ZSWIM5: variants seen among roughly 807,000 people sequenced by gnomAD.
ZSWIM5 encodes the protein zinc finger SWIM domain-containing protein 5.
A neutral mutation model predicts 119.6 loss-of-function variants in ZSWIM5; 55 were observed. The observed-to-expected ratio is 0.46, with a 90% CI of 0.37 to 0.58. The LOEUF (loss-of-function observed/expected upper bound fraction) is 0.58, where lower values mean the gene tolerates loss of function less well. ZSWIM5 is among the 20% of genes least tolerant of loss of function. The pLI is 0.00. For missense variants in ZSWIM5, 1,193 were observed against 1,512.8 expected (o/e 0.79, Z 3.51); for synonymous variants, 537 against 606.9 (o/e 0.88, Z 1.69).
chr1:45,071,886 A>C (rs1337516544), intron 2 of ZSWIM5, among the ~76,000 whole-genome samples: 1 of 152,204 alleles, frequency 6.6e-6, no homozygotes, highest in East Asian at 1.9e-4. Context: ...ATGCTGCAAC[A>C]AACAAACATG....
At chr1:45,170,733 G>A (rs1262183846) in intron 1 of ZSWIM5, among the ~76,000 whole-genome samples, 1 of 151,558 alleles carries the variant, frequency 6.6e-6, no homozygotes, top group Non-Finnish European at 1.5e-5. Flanking sequence ...CACCACACAA[G>A]GTTAATTTAA....
chr1:45,199,325 G>A (rs1178677586), intron 1 of ZSWIM5, among the ~76,000 whole-genome samples: 1 of 149,566 alleles, frequency 6.7e-6, no homozygotes, highest in Non-Finnish European at 1.5e-5. Context: ...TTGAGACGGA[G>A]TCTCACTCTG....
chr1:45,022,376 C>T lies in ZSWIM5; in HGVS notation c.2450-1588G>A, dbSNP rs183675389. 5.0e-3 allele frequency among the ~76,000 whole-genome samples: 755 copies of T among 152,116 alleles called. 9 individuals carry two copies. Among genetic ancestry groups the T allele is most frequent in the African/African-American group, 0.017 (726 of 41,514 alleles). ...CGATCTCCTGACCTCATGATCCACCCGCCTTGGTCTCCCAAAGTGCTGGGA... is the reference window on the plus strand; with the variant it reads ...CGATCTCCTGACCTCATGATCCACCTGCCTTGGTCTCCCAAAGTGCTGGGA... On this transcript the variant is annotated intron_variant, in intron 11 of 13. Coordinates refer to ENST00000359600, the MANE Select transcript of ZSWIM5 (RefSeq NM_020883.2).
chr1:45,060,573 T>A (rs980992327), intron 2 of ZSWIM5, among the ~76,000 whole-genome samples: 1 of 151,816 alleles, frequency 6.6e-6, no homozygotes, highest in Non-Finnish European at 1.5e-5. Context: ...CCCAGGAGAG[T>A]GACATTTTGT....
In ZSWIM5 at chr1:45,186,562, T is replaced by C. The variant is rs1428168586; in HGVS notation, c.595+19194A>G. 2.0e-5 allele frequency among the ~76,000 whole-genome samples: 3 copies of C among 151,998 alleles called. No individual in the cohort carries two copies. In the East Asian group the frequency reaches 5.8e-4, roughly 29 times the overall value. Reference sequence around the variant, plus strand: ...AGAGATTCTTTCCAAGAAAAGCCTCTAGATGGAATACAGCTCTGCCAACAA... The same window carrying C: ...AGAGATTCTTTCCAAGAAAAGCCTCCAGATGGAATACAGCTCTGCCAACAA... On this transcript the variant is annotated intron_variant, in intron 1 of 13. Coordinates refer to ENST00000359600, the MANE Select transcript of ZSWIM5 (RefSeq NM_020883.2).
intron 1 of ZSWIM5, among the ~76,000 whole-genome samples, chr1:45,138,520 A>AG (rs1231853925): frequency 2.6e-5 from 4 of 151,892 alleles, no homozygotes; most frequent in African/African-American, 9.7e-5. Flanking sequence ...AAAAAAAAAA[A>AG]AAAAGAAAGG....
intron 5 of ZSWIM5, among the ~76,000 whole-genome samples, chr1:45,044,709 G>A: frequency 1.6e-5 from 1 of 64,122 alleles, no homozygotes; most frequent in Non-Finnish European, 2.9e-5. Flanking sequence ...GGGCGACAGA[G>A]CCAGACTCCG....
At chr1:45,150,749 G>A (rs192197052) in intron 1 of ZSWIM5, among the ~76,000 whole-genome samples, 4 of 152,182 alleles carry the variant, frequency 2.6e-5, no homozygotes, top group Admixed American at 2.6e-4. Context: ...TGAGTTTCTT[G>A]AGAGCAGCGA....
At chr1:45,021,856 C>T (rs914417943) in intron 11 of ZSWIM5, among the ~76,000 whole-genome samples, 4 of 151,686 alleles carry the variant, frequency 2.6e-5, no homozygotes, top group Non-Finnish European at 5.9e-5. Flanking sequence ...CCCGTCTCTA[C>T]TAAAAAAATA....
intron 1 of ZSWIM5, among the ~76,000 whole-genome samples, chr1:45,138,136 G>A (rs1205854170): frequency 6.6e-6 from 1 of 151,576 alleles, no homozygotes; most frequent in East Asian, 1.9e-4. Context: ...GAACAACATG[G>A]GTCAACTTAT....
At chr1:45,192,715 A>AT (rs911734923) in intron 1 of ZSWIM5, among the ~76,000 whole-genome samples, 4 of 152,094 alleles carry the variant, frequency 2.6e-5, no homozygotes, top group Admixed American at 6.5e-5. Context: ...TCTGTGTTTA[A>AT]TTTTTTTAGG....
intron 2 of ZSWIM5, among the ~76,000 whole-genome samples, chr1:45,069,557 G>A (rs570423635): frequency 6.6e-6 from 1 of 151,986 alleles, no homozygotes; most frequent in South Asian, 2.1e-4. Context: ...ACTGGAATTT[G>A]AGGACTCGTT....
chr1:45,130,390 AC>A (rs1645648742), intron 1 of ZSWIM5, among the ~76,000 whole-genome samples: 1 of 151,974 alleles, frequency 6.6e-6, no homozygotes, highest in Non-Finnish European at 1.5e-5. Flanking sequence ...ACACACACAC[AC>A]ACAAAACCCA....
At chr1:45,110,105 A>G (rs977510141) in intron 1 of ZSWIM5, among the ~76,000 whole-genome samples, 8 of 152,042 alleles carry the variant, frequency 5.3e-5, no homozygotes, top group Non-Finnish European at 1.0e-4. Flanking sequence ...GGGCTCAAAC[A>G]ATCCTCCCAC....
intron 1 of ZSWIM5, among the ~76,000 whole-genome samples, chr1:45,126,986 A>C (rs1469660762): frequency 6.6e-6 from 1 of 152,096 alleles, no homozygotes; most frequent in African/African-American, 2.4e-5. Flanking sequence ...TTACAGGCAC[A>C]AGACACTGTG....
At chr1:45,196,192 C>T (rs907328185) in intron 1 of ZSWIM5, among the ~76,000 whole-genome samples, 3 of 150,952 alleles carry the variant, frequency 2.0e-5, no homozygotes, top group Non-Finnish European at 4.4e-5. Context: ...CATTTTTCTA[C>T]AACGGCATTT....
chr1:45,115,028 C>T (rs1490561272), intron 1 of ZSWIM5, among the ~76,000 whole-genome samples: 1 of 152,292 alleles, frequency 6.6e-6, no homozygotes. Context: ...AAAATGGAGT[C>T]TCCCATGTCC....
chr1:45,135,657 G>C (rs1287303315), intron 1 of ZSWIM5, among the ~76,000 whole-genome samples: 1 of 152,186 alleles, frequency 6.6e-6, no homozygotes, highest in Non-Finnish European at 1.5e-5. Context: ...ATTAAGATTA[G>C]TGAATTTAAT....
intron 1 of ZSWIM5, among the ~76,000 whole-genome samples, chr1:45,108,912 T>C (rs1055419518): frequency 3.3e-5 from 5 of 152,228 alleles, no homozygotes; most frequent in Non-Finnish European, 5.9e-5. Context: ...AACTCCATGA[T>C]ATTTTATTTC....
Sources: allele counts gnomAD v4.1 joint callset (sites outside exome capture counted in the v4.1 genomes callset), GRCh38; gene constraint gnomAD v4.1.1; transcripts MANE v1.5; gene names NCBI Gene and HGNC (gene_info 2026-07-23, HGNC 2026-07-21).